Variants in PRKCE observed in about 807,000 individuals in gnomAD.
The protein encoded by PRKCE is protein kinase C epsilon type.
A neutral mutation model predicts 85.4 loss-of-function variants in PRKCE; 16 were observed. The ratio of observed to expected loss-of-function variants is 0.19; its 90% confidence interval spans 0.13 to 0.28. The LOEUF is 0.28. Ranked by LOEUF, PRKCE falls within the 10% of genes least tolerant of loss-of-function variation. The probability of loss-of-function intolerance (pLI) is 1.00; values close to 1 mark genes in which losing one functional copy is unlikely to be tolerated. For missense variants in PRKCE, 573 were observed against 975.2 expected (o/e 0.59, Z 5.49); for synonymous variants, 388 against 371.5 (o/e 1.04, Z -0.51).
Position 46,010,484 on chromosome 2 carries a change from C to T in PRKCE, c.1404C>T (p.Tyr468=), listed in dbSNP as rs770226275. The T allele has an allele frequency of 3.1e-6, 5 of 1,599,690 alleles. No homozygotes were observed. The highest frequency in any genetic ancestry group is 3.4e-6 in the Non-Finnish European group (4 of 1,179,924). ...TGGCTCTGGCACGGAAACACCCGTA[C>T]CTTACCCAACTCTACTGCTGCTTCC... ...RILALARKHP[Y]LTQLYCCFQT... Residue 468 remains tyrosine, a synonymous_variant, in exon 10 of 15, where the codon TAC becomes TAT. Transcript: ENST00000306156.
At chr2:46,116,798 G>T (rs1672816394) in intron 11 of PRKCE, among the ~76,000 whole-genome samples, 1 of 152,116 alleles carries the variant, frequency 6.6e-6, no homozygotes, top group Non-Finnish European at 1.5e-5. Context: ...AGGAGTAAAA[G>T]CATCCTATAC....
At chr2:46,146,581 G>A (rs755447645) in intron 12 of PRKCE, among the ~76,000 whole-genome samples, 41 of 152,188 alleles carry the variant, frequency 2.7e-4, no homozygotes, top group African/African-American at 6.0e-4. Context: ...TTCCTTTGAC[G>A]GAAGGGGTGG....
chr2:45,986,295 G>A (rs981768094), intron 6 of PRKCE, among the ~76,000 whole-genome samples: 3 of 152,216 alleles, frequency 2.0e-5, no homozygotes, highest in Non-Finnish European at 4.4e-5. Flanking sequence ...AGTGCTGTAG[G>A]CTAAAGTGCT....
chr2:46,127,737 G>A (rs955651071), intron 11 of PRKCE, among the ~76,000 whole-genome samples: 7 of 152,226 alleles, frequency 4.6e-5, no homozygotes, highest in Non-Finnish European at 8.8e-5. Context: ...TGGGAGTTTG[G>A]TCAGAGTTCT....
In PRKCE at chr2:45,941,112, G is replaced by C. The variant is rs552826513; in HGVS notation, c.413-35317G>C. On this transcript the variant is annotated intron_variant, in intron 2 of 14. Coordinates refer to ENST00000306156, the MANE Select transcript of PRKCE (RefSeq NM_005400.3). ...AGATGATAGGCACCTATTCCCTACT[G>C]AACAAATGACTTATATACTAACCGA... is the stretch of plus-strand genomic sequence containing the variant. 1.7e-3 allele frequency among the ~76,000 whole-genome samples: 232 copies of C among 138,208 alleles called. 2 individuals carry two copies. The highest frequency in any genetic ancestry group is 5.8e-3 in the African/African-American group (219 of 37,764). 90.7% of individuals were successfully genotyped at this position (138,208 alleles called of 152,430 possible). A position where few individuals can be genotyped will look rare whatever the true frequency, so the allele number is the denominator to read the frequency against.
chr2:45,809,502 C>T (rs1004118682), intron 1 of PRKCE, among the ~76,000 whole-genome samples: 3 of 152,042 alleles, frequency 2.0e-5, no homozygotes, highest in East Asian at 1.9e-4. Flanking sequence ...CTCTTGAAGT[C>T]GTTTCATTGT....
At chr2:45,781,880 G>T (rs577702259) in intron 1 of PRKCE, among the ~76,000 whole-genome samples, 1 of 152,198 alleles carries the variant, frequency 6.6e-6, no homozygotes, top group East Asian at 1.9e-4. Context: ...AAGCCACCCT[G>T]GTCCAGGGTC....
intron 2 of PRKCE, among the ~76,000 whole-genome samples, chr2:45,844,779 G>T (rs901636712): frequency 6.6e-6 from 1 of 152,180 alleles, no homozygotes; most frequent in Non-Finnish European, 1.5e-5. Flanking sequence ...AAAGATAAAT[G>T]ACTTGCAAAA....
chr2:45,767,127 G>A (rs371503283), intron 1 of PRKCE, among the ~76,000 whole-genome samples: 71 of 152,068 alleles, frequency 4.7e-4, no homozygotes, highest in African/African-American at 1.5e-3. Context: ...TTTGCTTCCC[G>A]TAGAAATGTA....
rs765343349 is a variant in PRKCE, at chr2:46,186,776, G to A, written c.*1895G>A. ...CAGTAACTATCTTGAGCCCATTAGA[G>A]AGTCTGTGTCCATATTTGCATCTGG... On this transcript the variant is annotated 3_prime_UTR_variant, in exon 15 of 15. Coordinates refer to ENST00000306156, the MANE Select transcript of PRKCE (RefSeq NM_005400.3). 6.6e-6 allele frequency: 1 copy of A among 152,322 alleles called. No individual in the cohort carries two copies. The highest frequency in any genetic ancestry group is 6.6e-5 in the Admixed American group (1 of 15,258). The allele number at this position is 152,322 out of a possible 1,614,324, so 9.4% of individuals were successfully genotyped here.
At chr2:46,032,325 T>G (rs1007126386) in intron 10 of PRKCE, among the ~76,000 whole-genome samples, 1 of 152,180 alleles carries the variant, frequency 6.6e-6, no homozygotes, top group Admixed American at 6.5e-5. Flanking sequence ...CCCTTCCTGT[T>G]CCTGACAATG....
chr2:45,945,064 T>G (rs1700153329), intron 2 of PRKCE, among the ~76,000 whole-genome samples: 2 of 152,140 alleles, frequency 1.3e-5, no homozygotes, highest in African/African-American at 2.4e-5. Context: ...CTTTCTCGCA[T>G]TAGGCAGGGA....
At chr2:46,037,225 C>G (rs1707921757) in intron 10 of PRKCE, among the ~76,000 whole-genome samples, 1 of 152,220 alleles carries the variant, frequency 6.6e-6, no homozygotes. Flanking sequence ...CCACTGGAAT[C>G]CCACAGACTG....
chr2:45,731,972 T>A (rs1346774571), intron 1 of PRKCE, among the ~76,000 whole-genome samples: 2 of 152,288 alleles, frequency 1.3e-5, no homozygotes, highest in Admixed American at 1.3e-4. Context: ...AATGACCTCC[T>A]ACTCCACAGA....
chr2:45,877,593 T>C (rs1284205486), intron 2 of PRKCE, among the ~76,000 whole-genome samples: 1 of 152,238 alleles, frequency 6.6e-6, no homozygotes, highest in Non-Finnish European at 1.5e-5. Context: ...TTTGGTTCTC[T>C]ATAAAATATT....
intron 1 of PRKCE, among the ~76,000 whole-genome samples, chr2:45,749,794 C>T (rs1440287056): frequency 6.6e-6 from 1 of 152,168 alleles, no homozygotes; most frequent in Non-Finnish European, 1.5e-5. Flanking sequence ...TCTTTGCTCT[C>T]AAATGCTGCA....
At chr2:45,854,774 A>G (rs1489032955) in intron 2 of PRKCE, among the ~76,000 whole-genome samples, 1 of 152,240 alleles carries the variant, frequency 6.6e-6, no homozygotes, top group Non-Finnish European at 1.5e-5. Context: ...GAGCCTTAAT[A>G]TTAATAGTAG....
At chr2:46,089,138 G>A (rs972253744) in intron 11 of PRKCE, among the ~76,000 whole-genome samples, 2 of 152,102 alleles carry the variant, frequency 1.3e-5, no homozygotes, top group African/African-American at 4.8e-5. Flanking sequence ...TATCACAGTG[G>A]CTGGCTCCTT....
chr2:45,746,054 G>A (rs1218679473), intron 1 of PRKCE, among the ~76,000 whole-genome samples: 1 of 152,182 alleles, frequency 6.6e-6, no homozygotes, highest in Admixed American at 6.5e-5. Flanking sequence ...ACTGAAGGAA[G>A]TTAGGCAGCA....
Sources: gnomAD v4.1 joint callset for allele counts (sites outside exome capture counted in the v4.1 genomes callset) on GRCh38, gnomAD v4.1.1 for gene constraint, MANE v1.5 for transcripts, NCBI Gene and HGNC (gene_info 2026-07-23, HGNC 2026-07-21) for gene names.